The following NT5DC1 variants were observed in gnomAD, a reference collection of about 807,000 sequenced individuals.
NT5DC1 encodes 5'-nucleotidase domain containing 1.
In NT5DC1, 42 loss-of-function variants were observed where a neutral mutation model predicts 59.4. That is an observed-to-expected ratio of 0.71 (90% CI 0.55 to 0.92). NT5DC1 has a LOEUF of 0.92. Ranked by LOEUF, NT5DC1 falls within the 40% of genes least tolerant of loss-of-function variation. The pLI is 0.00. For missense variants in NT5DC1, 501 were observed against 537.1 expected, an observed-to-expected ratio of 0.93 and a Z score of 0.66; for synonymous variants, 172 against 188.1, an observed-to-expected ratio of 0.91 and a Z score of 0.70.
chr6:116,190,797 G>A (rs2114491286), intron 6 of NT5DC1, among the ~76,000 whole-genome samples: 1 of 152,166 alleles, frequency 6.6e-6, no homozygotes, highest in African/African-American at 2.4e-5. Context: ...GGGGGCAAGT[G>A]ACAGGTCTGC....
rs527775922 is a variant in NT5DC1, at chr6:116,136,538, C to T, written c.529+18593C>T. On this transcript the variant is annotated intron_variant, in intron 6 of 11. Coordinates refer to ENST00000319550, the MANE Select transcript of NT5DC1 (RefSeq NM_152729.3). ...CATCCAAGGTCATTTAGCTGGTAGG[C>T]GGCAGAACTGGGGTTTGAACCCAAG... Among the ~76,000 whole-genome samples, 37 of 152,072 alleles carry T rather than the reference C, an allele frequency of 2.4e-4. No homozygotes were observed. The South Asian group carries it at 4.2e-3, about 17-fold the overall frequency.
chr6:116,208,305 A>G (rs1781501330), intron 6 of NT5DC1, among the ~76,000 whole-genome samples: 1 of 151,996 alleles, frequency 6.6e-6, no homozygotes, highest in African/African-American at 2.4e-5. Context: ...GAGGTGGAAG[A>G]TTTCAAGTAA....
intron 6 of NT5DC1, among the ~76,000 whole-genome samples, chr6:116,122,331 T>TAAA (rs1184120404): frequency 6.6e-6 from 1 of 152,136 alleles, no homozygotes; most frequent in Non-Finnish European, 1.5e-5. Context: ...AGTGAGAAAA[T>TAAA]GTTTAAGAAC....
intron 2 of NT5DC1, 28 bp from the exon 3 acceptor site, chr6:116,108,336 G>C: frequency 1.4e-6 from 2 of 1,424,484 alleles, no homozygotes; most frequent in Non-Finnish European, 2.0e-6. Context: ...TATAGGAATT[G>C]ATTAATAATC....
At chr6:116,107,540 TTTTTATTTTATTTTATTTTATTTTA>T (rs371049347) in intron 2 of NT5DC1, among the ~76,000 whole-genome samples, 3 of 132,606 alleles carry the variant, frequency 2.3e-5, no homozygotes, top group Admixed American at 1.5e-4. Context: ...AGTGGTTTTC[TTTTTATTTTATTTTATTTTATTTTA>T]TTTTATTTTA....
chr6:116,125,532 T>C (rs139701581), intron 6 of NT5DC1: 23 of 1,603,428 alleles, frequency 1.4e-5, no homozygotes, highest in African/African-American at 5.4e-5. Flanking sequence ...AGAATAACTT[T>C]ATACAGCATT....
At chr6:116,208,353 A>C (rs1781502098) in intron 6 of NT5DC1, among the ~76,000 whole-genome samples, 1 of 151,862 alleles carries the variant, frequency 6.6e-6, no homozygotes, top group Non-Finnish European at 1.5e-5. Flanking sequence ...TGAAAACAAA[A>C]CCCTCCCAAA....
chr6:116,176,489 G>A (rs1170639859), intron 6 of NT5DC1, among the ~76,000 whole-genome samples: 1 of 152,128 alleles, frequency 6.6e-6, no homozygotes, highest in African/African-American at 2.4e-5. Context: ...GTTGAATACT[G>A]CCTTTACTTG....
In NT5DC1 at chr6:116,121,554, T is replaced by C. The variant is rs1779128307; in HGVS notation, c.529+3609T>C. ...GGAGCACCATATCCCATTTCCCCTT[T>C]CTGTCCATTCATACCAGGGACTCCT... On this transcript the variant is annotated intron_variant, in intron 6 of 11. Transcript: ENST00000319550. 5 of 1,613,914 alleles carry C rather than the reference T, an allele frequency of 3.1e-6. No individual in the cohort carries two copies. Among genetic ancestry groups the C allele is most frequent in the Non-Finnish European group, 4.2e-6 (5 of 1,179,974 alleles).
At chr6:116,241,686 G>T (rs970763738) in intron 11 of NT5DC1, among the ~76,000 whole-genome samples, 6 of 152,256 alleles carry the variant, frequency 3.9e-5, no homozygotes, top group Non-Finnish European at 7.4e-5. Flanking sequence ...CACTTTGGGA[G>T]GCCGAGGCGG....
intron 8 of NT5DC1, among the ~76,000 whole-genome samples, chr6:116,235,086 A>T (rs1782090969): frequency 7.0e-6 from 1 of 143,358 alleles, no homozygotes; most frequent in East Asian, 2.0e-4. Flanking sequence ...CTCAACATTT[A>T]AGAAGTTATA....
intron 3 of NT5DC1, among the ~76,000 whole-genome samples, chr6:116,110,329 C>T (rs569654677): frequency 2.6e-5 from 4 of 152,270 alleles, no homozygotes; most frequent in African/African-American, 9.6e-5. Context: ...TGGTTTTAGC[C>T]ATGCTGTGTC....
At chr6:116,191,485 A>G (rs1460234337) in intron 6 of NT5DC1, among the ~76,000 whole-genome samples, 1 of 152,078 alleles carries the variant, frequency 6.6e-6, no homozygotes, top group Non-Finnish European at 1.5e-5. Context: ...TGCTTCATAA[A>G]TATTTACTGA....
At chr6:116,152,720 A>G (rs957241149) in intron 6 of NT5DC1, among the ~76,000 whole-genome samples, 1 of 152,080 alleles carries the variant, frequency 6.6e-6, no homozygotes, top group Non-Finnish European at 1.5e-5. Context: ...TTACAGCCAT[A>G]CTTCTTGGTT....
chr6:116,105,506 C>G (rs961340938), intron 1 of NT5DC1, among the ~76,000 whole-genome samples: 2 of 152,142 alleles, frequency 1.3e-5, no homozygotes, highest in African/African-American at 4.8e-5. Flanking sequence ...AAGAACACTT[C>G]GAGGTAGAAT....
chr6:116,225,636 G>C (rs1356307362), intron 8 of NT5DC1, among the ~76,000 whole-genome samples: 2 of 152,216 alleles, frequency 1.3e-5, no homozygotes, highest in African/African-American at 4.8e-5. Flanking sequence ...TTGCCATAGA[G>C]TGGTGGGATA....
intron 6 of NT5DC1, among the ~76,000 whole-genome samples, chr6:116,160,633 A>G (rs939397007): frequency 3.3e-5 from 5 of 151,926 alleles, no homozygotes; most frequent in Admixed American, 6.6e-5. Context: ...ATTAAGTCCC[A>G]TTTGTCTACT....
At chr6:116,241,511 G>T (rs1771713618) in intron 11 of NT5DC1, among the ~76,000 whole-genome samples, 1 of 152,192 alleles carries the variant, frequency 6.6e-6, no homozygotes, top group Non-Finnish European at 1.5e-5. Flanking sequence ...TGTCAGAAAT[G>T]CATGTTGTAA....
intron 3 of NT5DC1, 35 bp downstream of exon 3, chr6:116,108,470 C>G (rs781699583): frequency 9.1e-6 from 11 of 1,214,822 alleles, no homozygotes; most frequent in Non-Finnish European, 1.3e-5. Flanking sequence ...TAAACTTTAC[C>G]TTCTCTGAGA....
Sources: gnomAD v4.1 joint callset for allele counts (sites outside exome capture counted in the v4.1 genomes callset) on GRCh38, gnomAD v4.1.1 for gene constraint, MANE v1.5 for transcripts, NCBI Gene and HGNC (gene_info 2026-07-23, HGNC 2026-07-21) for gene names.